APPL1: variants seen among roughly 807,000 people sequenced by gnomAD.
The protein encoded by APPL1 is adaptor protein, phosphotyrosine interacting with PH domain and leucine zipper 1, also known as DCC-interacting protein 13-alpha.
In APPL1, 42 loss-of-function variants were observed where a neutral mutation model predicts 106.8. The observed-to-expected ratio is 0.39, with a 90% confidence interval of 0.31 to 0.51. APPL1 has a LOEUF of 0.51. APPL1 is among the 20% of genes least tolerant of loss of function. APPL1 has a pLI of 0.75. For missense variants in APPL1, 769 were observed against 858.2 expected (o/e 0.90, Z 1.30); for synonymous variants, 263 against 281.8 (o/e 0.93, Z 0.67).
Position 57,260,729 on chromosome 3 carries a change from G to C in APPL1, c.1797G>C (p.Leu599=). The C allele has an allele frequency of 5.6e-6, 9 of 1,612,154 alleles. No homozygotes were observed. The highest frequency in any genetic ancestry group is 5.9e-6 in the Non-Finnish European group (7 of 1,178,792). Residue 599 remains leucine, a synonymous_variant, in exon 19 of 22, where the codon CTG becomes CTC. Transcript: ENST00000288266. ...CAAGCGGGAGAAGTGAAAGTAATCT[G>C]TCATCAGTCTGCTATATATTTGAGT... ...RTSSGRSESN[L]SSVCYIFESN...
intron 1 of APPL1, 149 bp from the exon 2 acceptor site, chr3:57,235,417 A>G: frequency 2.2e-6 from 1 of 457,392 alleles, no homozygotes; most frequent in Non-Finnish European, 3.9e-6. Context: ...AAGACTTCTT[A>G]ACATTACTAT....
In APPL1 at chr3:57,271,863, A is replaced by C. The variant is rs371581244; in HGVS notation, c.*2176A>C. 3 of 152,358 alleles carry C rather than the reference A, an allele frequency of 2.0e-5. No individual in the cohort carries two copies. Among genetic ancestry groups the C allele is most frequent in the African/African-American group, 7.2e-5 (3 of 41,594 alleles). 9.4% of individuals were successfully genotyped at this position (152,358 alleles called of 1,614,324 possible). On this transcript the variant is annotated 3_prime_UTR_variant, in exon 22 of 22. Coordinates refer to ENST00000288266, the MANE Select transcript of APPL1 (RefSeq NM_012096.3). The stretch of plus-strand genomic sequence containing the variant: ...CTAAATAGAAGTTATGAGTGGGTTT[A>C]ACAATTTTAGATGATTCAGCTTTTG...
intron 8 of APPL1, among the ~76,000 whole-genome samples, chr3:57,246,707 T>C (rs1553992): frequency 0.37 from 56,262 of 151,684 alleles, 12,377 homozygotes; most frequent in East Asian, 0.85. Context: ...AAATCAAGAG[T>C]TTAAAGAAAA....
chr3:57,241,117 A>G (rs1553987), intron 5 of APPL1, among the ~76,000 whole-genome samples: 72,467 of 152,014 alleles, frequency 0.48, 18,012 homozygotes, highest in East Asian at 0.92. Context: ...GATTATGAGC[A>G]AAGGAGAAGC....
chr3:57,260,820 G>C, intron 19 of APPL1, 46 bp downstream of exon 19: 1 of 1,468,122 alleles, frequency 6.8e-7, no homozygotes, highest in South Asian at 1.5e-5. Flanking sequence ...CTTACTAATT[G>C]ATTCTTACTA....
chr3:57,254,914 C>G (rs147774907), intron 13 of APPL1, among the ~76,000 whole-genome samples: 18 of 152,358 alleles, frequency 1.2e-4, no homozygotes, highest in Middle Eastern at 3.4e-3. Flanking sequence ...CGTGAGCCAC[C>G]ACGCCCAGCC....
At chr3:57,242,299 T>A (rs1446294151) in intron 6 of APPL1, among the ~76,000 whole-genome samples, 157 bp downstream of exon 6, 1 of 152,170 alleles carries the variant, frequency 6.6e-6, no homozygotes, top group African/African-American at 2.4e-5. Context: ...ACACTGTTTA[T>A]ACAGTGTAAT....
chr3:57,229,880 GTTTTTGTAC>G (rs2060677533), intron 1 of APPL1, among the ~76,000 whole-genome samples: 1 of 151,640 alleles, frequency 6.6e-6, no homozygotes, highest in African/African-American at 2.4e-5. Flanking sequence ...CGCCCACCTA[GTTTTTGTAC>G]TTTTTGTAGA....
intron 2 of APPL1, among the ~76,000 whole-genome samples, chr3:57,235,937 T>C (rs1303006567): frequency 6.6e-6 from 1 of 152,194 alleles, no homozygotes; most frequent in Non-Finnish European, 1.5e-5. Context: ...CCCATTAAAC[T>C]CACTGATAGT....
chr3:57,242,131 T>A lies in APPL1; in HGVS notation c.404T>A (p.Ile135Asn). The A allele has an allele frequency of 1.9e-6, 3 of 1,595,104 alleles. No individual in the cohort carries two copies. Among genetic ancestry groups the A allele is most frequent in the Non-Finnish European group, 2.6e-6 (3 of 1,167,586 alleles). The change falls in exon 6 of 22, where the codon ATT (isoleucine) becomes AAT (asparagine). Residue 135 changes from isoleucine to asparagine, a missense_variant. Transcript: ENST00000288266. ...CTAACATTAAAGGAAGTATTTCAGA[T>A]TGCAAGTAATGGTAAGCCCTATAAT... Reference protein sequence around the residue: ...EILTLKEVFQIASNDHDAAIN... With the variant: ...EILTLKEVFQNASNDHDAAIN...
rs950446939 is a variant in APPL1, at chr3:57,262,136, G to A, written c.1842+1362G>A. On this transcript the variant is annotated intron_variant, in intron 19 of 21. Coordinates refer to ENST00000288266, the MANE Select transcript of APPL1 (RefSeq NM_012096.3). Reference sequence around the variant, plus strand: ...ATTTGATTTTTTCCCTGTTGAGTTCGTTGTATATTCTGGATATTAGTCCCC... The same window carrying A: ...ATTTGATTTTTTCCCTGTTGAGTTCATTGTATATTCTGGATATTAGTCCCC... Among the ~76,000 whole-genome samples the A allele has an allele frequency of 9.2e-5, 14 of 151,878 alleles. 1 individual carries two copies. Among genetic ancestry groups the A allele is most frequent in the Admixed American group, 3.9e-4 (6 of 15,252 alleles).
chr3:57,247,385 C>T lies in APPL1; in HGVS notation c.622-10C>T, dbSNP rs756642164. On this transcript the variant is annotated splice_polypyrimidine_tract_variant and intron_variant, in intron 8 of 21. Coordinates refer to ENST00000288266, the MANE Select transcript of APPL1 (RefSeq NM_012096.3). ...GTATTGTTCAATTCCCCCCACTCCC[C>T]ACTCTCCAGATAAGTTTCTTTAAGA... 2 of 1,562,078 alleles carry T rather than the reference C, an allele frequency of 1.3e-6. No individual in the cohort carries two copies. The highest frequency in any genetic ancestry group is 4.5e-5 in the East Asian group (2 of 44,418).
At chr3:57,252,813 C>A (rs953141332) in intron 12 of APPL1, among the ~76,000 whole-genome samples, 1 of 152,110 alleles carries the variant, frequency 6.6e-6, no homozygotes. Context: ...CCTAGTATAT[C>A]AGATATGGAA....
At chr3:57,250,804 C>CTTTTTT (rs71088045) in intron 11 of APPL1, among the ~76,000 whole-genome samples, 90 of 110,266 alleles carry the variant, frequency 8.2e-4, no homozygotes, top group East Asian at 1.7e-3. Context: ...AACTTTCTTT[C>CTTTTTT]TTTTTTTTTT....
At chr3:57,246,903 T>C (rs187865130) in intron 8 of APPL1, among the ~76,000 whole-genome samples, 62 of 150,592 alleles carry the variant, frequency 4.1e-4, no homozygotes, top group Admixed American at 3.5e-3. Flanking sequence ...CTTGGGAGGC[T>C]GAAATGGAAG....
chr3:57,237,415 A>C (rs968466055), intron 2 of APPL1, 77 bp from the exon 3 acceptor site: 2 of 984,330 alleles, frequency 2.0e-6, no homozygotes, highest in Non-Finnish European at 3.0e-6. Context: ...AGTGATAATA[A>C]ATAAATTAGG....
Position 57,236,044 on chromosome 3 carries a change from CTT to C in APPL1, c.153+396_153+397del, listed in dbSNP as rs34912084. Among the ~76,000 whole-genome samples the C allele has an allele frequency of 4.3e-3, 563 of 131,302 alleles. 2 individuals carry two copies. Among genetic ancestry groups the C allele is most frequent in the African/African-American group, 0.013 (483 of 35,842 alleles). The allele number at this position is 131,302 out of a possible 152,430, so 86.1% of individuals were successfully genotyped here. ...CTTATGGAGCACTTCCCCACCCCCA[CTT>C]TTTTTTTTTTTTTTTGAGATGGAGC... is the stretch of plus-strand genomic sequence containing the variant. On this transcript the variant is annotated intron_variant, in intron 2 of 21. Coordinates refer to ENST00000288266, the MANE Select transcript of APPL1 (RefSeq NM_012096.3).
At chr3:57,245,050 C>G (rs2060765528) in intron 7 of APPL1, among the ~76,000 whole-genome samples, 1 of 152,062 alleles carries the variant, frequency 6.6e-6, no homozygotes, top group Non-Finnish European at 1.5e-5. Flanking sequence ...GTGTACAAAA[C>G]TATCTTCAGT....
Position 57,230,587 on chromosome 3 carries a change from C to T in APPL1, c.54+2650C>T, listed in dbSNP as rs576724040. The T allele has an allele frequency of 5.5e-4, 141 of 256,902 alleles. 1 individual carries two copies. The highest frequency in any genetic ancestry group is 3.3e-3 in the African/African-American group (139 of 42,498). 15.9% of individuals were successfully genotyped at this position (256,902 alleles called of 1,614,324 possible). A position where few individuals can be genotyped will look rare whatever the true frequency, so the allele number is the denominator to read the frequency against. On this transcript the variant is annotated intron_variant, in intron 1 of 21. Transcript: ENST00000288266. ...AAAAACATTTGAAGACCACACATTT[C>T]CTTAACTGATTTCACAACCCTTTGC...
Sources: allele counts gnomAD v4.1 joint callset (sites outside exome capture counted in the v4.1 genomes callset), GRCh38; gene constraint gnomAD v4.1.1; transcripts MANE v1.5; gene names NCBI Gene and HGNC (gene_info 2026-07-23, HGNC 2026-07-21).